ACSL1: variants seen among roughly 807,000 people sequenced by gnomAD.
ACSL1 encodes the protein long-chain-fatty-acid--CoA ligase 1.
In ACSL1, 41 loss-of-function variants were observed where a neutral mutation model predicts 98.4. The ratio of observed to expected loss-of-function variants is 0.42; its 90% CI spans 0.32 to 0.54. The LOEUF (loss-of-function observed/expected upper bound fraction) is 0.54, where lower values mean the gene tolerates loss of function less well. Ranked by LOEUF, ACSL1 falls within the 20% of genes least tolerant of loss-of-function variation. The pLI is 0.13. For missense variants in ACSL1, 734 were observed against 883.1 expected (o/e 0.83, Z 2.14); for synonymous variants, 316 against 322.7 (o/e 0.98, Z 0.22).
At chr4:184,788,309 C>T (rs1456711484) in intron 3 of ACSL1, 1 of 441,960 alleles carries the variant, frequency 2.3e-6, no homozygotes, top group South Asian at 1.9e-5. Flanking sequence ...GGATTGGGCC[C>T]AGTTCAACAG....
chr4:184,823,370 G>A (rs1773216838), intron 1 of ACSL1, among the ~76,000 whole-genome samples: 1 of 152,200 alleles, frequency 6.6e-6, no homozygotes. Context: ...ATTGAACAGA[G>A]TTTGGTTACA....
chr4:184,793,745 T>C (rs1439559346), intron 2 of ACSL1, among the ~76,000 whole-genome samples: 1 of 152,172 alleles, frequency 6.6e-6, no homozygotes, highest in Non-Finnish European at 1.5e-5. Context: ...AAGACGTGGC[T>C]GGGTTCTAAT....
chr4:184,800,571 T>A (rs1770316943), intron 2 of ACSL1, among the ~76,000 whole-genome samples: 1 of 152,124 alleles, frequency 6.6e-6, no homozygotes, highest in Non-Finnish European at 1.5e-5. Context: ...ACCCACAAAA[T>A]CTGCTTCTAT....
chr4:184,811,497 T>C (rs1772115213), intron 1 of ACSL1, among the ~76,000 whole-genome samples: 1 of 152,082 alleles, frequency 6.6e-6, no homozygotes, highest in South Asian at 2.1e-4. Context: ...CAATGGAACA[T>C]TATCCAACCT....
chr4:184,807,841 A>G (rs1374955436), intron 1 of ACSL1, among the ~76,000 whole-genome samples: 2 of 152,222 alleles, frequency 1.3e-5, no homozygotes, highest in Non-Finnish European at 2.9e-5. Context: ...CAAGAACGGG[A>G]CACCAACCAA....
intron 1 of ACSL1, among the ~76,000 whole-genome samples, chr4:184,811,503 A>C (rs1359815889): frequency 2.0e-5 from 3 of 152,164 alleles, no homozygotes; most frequent in Non-Finnish European, 4.4e-5. Context: ...AACATTATCC[A>C]ACCTTTAAAA....
At chr4:184,774,151 TA>T (rs1241770667) in intron 7 of ACSL1, among the ~76,000 whole-genome samples, 1 of 152,134 alleles carries the variant, frequency 6.6e-6, no homozygotes, top group Non-Finnish European at 1.5e-5. Context: ...TAGGATGTAT[TA>T]AAAAAACAGC....
At chr4:184,764,742 A>G in intron 15 of ACSL1, 111 bp downstream of exon 15, 2 of 943,722 alleles carry the variant, frequency 2.1e-6, no homozygotes, top group Non-Finnish European at 3.1e-6. Context: ...GAAACATAGC[A>G]CTTTTGTTTA....
At chr4:184,812,925 G>A (rs900137636) in intron 1 of ACSL1, among the ~76,000 whole-genome samples, 7 of 152,118 alleles carry the variant, frequency 4.6e-5, no homozygotes, top group African/African-American at 9.7e-5. Context: ...AGTCCCACGC[G>A]AGGGCTCTAG....
At chr4:184,777,437 GAC>G (rs2150335860) in intron 5 of ACSL1, among the ~76,000 whole-genome samples, 1 of 144,638 alleles carries the variant, frequency 6.9e-6, no homozygotes, top group Non-Finnish European at 1.5e-5. Flanking sequence ...CAGCCTGGGT[GAC>G]AGAGTGAGAT....
chr4:184,795,104 G>A (rs1398895545), intron 2 of ACSL1, among the ~76,000 whole-genome samples: 1 of 150,166 alleles, frequency 6.7e-6, no homozygotes, highest in African/African-American at 2.4e-5. Flanking sequence ...AAATAGGACT[G>A]CCCGTAGAAA....
Position 184,768,436 on chromosome 4 carries a change from AC to A in ACSL1, c.1007del (p.Cys336PhefsTer35). The A allele has an allele frequency of 6.2e-7, 1 of 1,613,428 alleles. No individual in the cohort carries two copies. The highest frequency in any genetic ancestry group is 1.3e-5 in the African/African-American group (1 of 75,000). On this transcript the variant is annotated frameshift_variant, in exon 12 of 21. Coordinates refer to ENST00000281455, the MANE Select transcript of ACSL1 (RefSeq NM_001995.5). LOFTEE classifies it high-confidence loss of function. ...GGAAAAATCCGATTTTAGCTCCATG[AC>A]ACAGCATTACACACTATAGGGGTAA... is the stretch of plus-strand genomic sequence containing the variant. ...FERVVECVML[C>X]HGAKIGFFQG... is the part of the protein sequence containing the mutation.
intron 4 of ACSL1, among the ~76,000 whole-genome samples, chr4:184,781,229 CAAAAAAAAAAAAAAA>C (rs34392146): frequency 2.9e-5 from 2 of 70,114 alleles, no homozygotes; most frequent in Admixed American, 1.9e-4. Flanking sequence ...GACTCCATCT[CAAAAAAAAAAAAAAA>C]AAAAAAAAAG....
In ACSL1 at chr4:184,777,724, G is replaced by A. The variant is rs188503390; in HGVS notation, c.478-741C>T. Among the ~76,000 whole-genome samples, 20 of 152,258 alleles carry A rather than the reference G, an allele frequency of 1.3e-4. No homozygotes were observed. In the East Asian group the frequency reaches 2.9e-3, roughly 22 times the overall value. On this transcript the variant is annotated intron_variant, in intron 5 of 20. Coordinates refer to ENST00000281455, the MANE Select transcript of ACSL1 (RefSeq NM_001995.5). The stretch of plus-strand genomic sequence containing the variant: ...ATAAGAAAGCCCACCATCGGCCAAG[G>A]TAGCTACAGATGCTACTGGGAGGGT...
intron 1 of ACSL1, among the ~76,000 whole-genome samples, chr4:184,814,290 C>CA (rs61541962): frequency 0.51 from 32,634 of 64,534 alleles, 8,220 homozygotes; most frequent in South Asian, 0.72. Flanking sequence ...GACTCCGCCT[C>CA]AAAAAAAAAA....
chr4:184,811,326 A>T (rs34348426), intron 1 of ACSL1, among the ~76,000 whole-genome samples: 1 of 151,526 alleles, frequency 6.6e-6, no homozygotes, highest in Non-Finnish European at 1.5e-5. Context: ...GTTGGCCAGG[A>T]TGGTCTCGAT....
At chr4:184,816,323 TG>T (rs1310631254) in intron 1 of ACSL1, among the ~76,000 whole-genome samples, 7 of 152,108 alleles carry the variant, frequency 4.6e-5, no homozygotes, top group Admixed American at 1.3e-4. Context: ...CTCATCGTAT[TG>T]GGAAGGAGAA....
At chr4:184,776,795 T>A in intron 6 of ACSL1, 89 bp downstream of exon 6, 2 of 1,513,976 alleles carry the variant, frequency 1.3e-6, no homozygotes, top group South Asian at 1.2e-5. Flanking sequence ...ACATGTAAAA[T>A]CTTTGTCAAA....
intron 2 of ACSL1, among the ~76,000 whole-genome samples, chr4:184,793,397 C>T (rs754080937): frequency 6.6e-6 from 1 of 152,068 alleles, no homozygotes; most frequent in African/African-American, 2.4e-5. Flanking sequence ...CAAAGGTTTC[C>T]GAGGCCAGAA....
Sources: allele counts gnomAD v4.1 joint callset (sites outside exome capture counted in the v4.1 genomes callset), GRCh38; gene constraint gnomAD v4.1.1; transcripts MANE v1.5; gene names NCBI Gene and HGNC (gene_info 2026-07-23, HGNC 2026-07-21).